Variants in CNTROB observed in about 807,000 individuals in gnomAD.
CNTROB encodes the protein centrobin.
In CNTROB, 82 loss-of-function variants were observed where a neutral mutation model predicts 115.7. The ratio of observed to expected loss-of-function variants is 0.71; its 90% CI spans 0.59 to 0.85. The LOEUF (loss-of-function observed/expected upper bound fraction) is 0.85, where lower values mean the gene tolerates loss of function less well. CNTROB is among the 40% of genes least tolerant of loss of function. CNTROB has a pLI of 0.00. For synonymous variants in CNTROB, 439 were observed against 456.4 expected (o/e 0.96, Z 0.49); for missense variants, 1,014 against 1,144.4 (o/e 0.89, Z 1.64).
intron 9 of CNTROB, among the ~76,000 whole-genome samples, chr17:7,941,524 G>A (rs1422521768): frequency 2.0e-5 from 3 of 151,486 alleles, no homozygotes; most frequent in Admixed American, 6.6e-5. Context: ...GCTTGAACCC[G>A]GGAGGTGGAG....
rs1268487748 is a variant in CNTROB at position 7,933,254 on chromosome 17, C to T, written c.175C>T (p.Pro59Ser). 5.0e-6 allele frequency: 8 copies of T among 1,614,100 alleles called. No homozygotes were observed. The highest frequency in any genetic ancestry group is 6.8e-6 in the Non-Finnish European group (8 of 1,180,042). Residue 59 changes from proline (P) to serine (S), a missense_variant, in exon 1 of 19, where the codon CCC (proline) becomes TCC (serine). Transcript: ENST00000563694. ...CACGGCCCGAGCCCAGCTGTATTTA[C>T]CCTCCACCTCCCCGCCTCATGAAGG... Reference protein sequence around the residue: ...EATARAQLYLPSTSPPHEGLD... With the variant: ...EATARAQLYLSSTSPPHEGLD...
chr17:7,948,558 G>A lies in CNTROB; in HGVS notation c.2452G>A (p.Gly818Ser). Residue 818 changes from glycine (G) to serine (S), a missense_variant, in exon 17 of 19, where the codon GGC (glycine) becomes AGC (serine). Transcript: ENST00000563694. This position sits in a 1 kb window ranked among gnomAD's most constrained non-coding sequence, Gnocchi z 4.4. ...ACTGTTGCGACTCTACCAGGCTCGG[G>A]GCTGGGGGGCTCTGCCTGCTGAGGA... ...SQLLRLYQARGWGALPAEDLL... is the reference protein window; with the variant it reads ...SQLLRLYQARSWGALPAEDLL... 2 of 1,614,188 alleles carry A rather than the reference G, an allele frequency of 1.2e-6. No individual in the cohort carries two copies. Among genetic ancestry groups the A allele is most frequent in the Non-Finnish European group, 1.7e-6 (2 of 1,180,034 alleles).
Position 7,945,726 on chromosome 17 carries a change from A to T in CNTROB, c.1735-2A>T. 1.2e-6 allele frequency: 2 copies of T among 1,613,492 alleles called. No homozygotes were observed. The highest frequency in any genetic ancestry group is 1.1e-5 in the South Asian group (1 of 91,064). Reference sequence around the variant, plus strand: ...CCTTCTTTCTGCCTCTCTCCTGGTCAGGCTCCTCCTGCTGGACCCTCCAGC... The same window carrying T: ...CCTTCTTTCTGCCTCTCTCCTGGTCTGGCTCCTCCTGCTGGACCCTCCAGC... On this transcript the variant is annotated splice_acceptor_variant, in intron 12 of 18. Coordinates refer to ENST00000563694, the MANE Select transcript of CNTROB (RefSeq NM_053051.5). LOFTEE classifies it high-confidence loss of function.
rs1007542118 is a variant in CNTROB, at chr17:7,948,646, G to T, written c.2513+27G>T. On this transcript the variant is annotated intron_variant, in intron 17 of 18. Coordinates refer to ENST00000563694, the MANE Select transcript of CNTROB (RefSeq NM_053051.5). This position sits in a 1 kb window ranked among gnomAD's most constrained non-coding sequence, Gnocchi z 4.4. ...TACAAGCCTGGGAGGAAGGAGGAAG[G>T]ATTCTCCGGGTGGAAGCTGGATTAT... 1.9e-6 allele frequency: 3 copies of T among 1,614,156 alleles called. No individual in the cohort carries two copies. Among genetic ancestry groups the T allele is most frequent in the Non-Finnish European group, 2.5e-6 (3 of 1,180,032 alleles).
At chr17:7,937,377 T>G in intron 7 of CNTROB, 115 bp downstream of exon 7, 2 of 1,227,788 alleles carry the variant, frequency 1.6e-6, no homozygotes, top group Non-Finnish European at 2.3e-6. Context: ...GAGCACTGTT[T>G]CCCAAAGTGT....
At chr17:7,936,127 AG>A (rs1229738854) in intron 4 of CNTROB, 2 of 473,382 alleles carry the variant, frequency 4.2e-6, no homozygotes, top group Non-Finnish European at 7.6e-6. Flanking sequence ...ATCCAGGAAA[AG>A]GAGGAGCCTG....
chr17:7,949,074 T>G lies in CNTROB; in HGVS notation c.2514-11T>G, dbSNP rs763247928. The stretch of plus-strand genomic sequence containing the variant: ...AGATCCCCATCCTCATACCTTTGAT[T>G]TGTGTAGCAGGACTGATGGCCGAGG... On this transcript the variant is annotated splice_polypyrimidine_tract_variant and intron_variant, in intron 17 of 18. Coordinates refer to ENST00000563694, the MANE Select transcript of CNTROB (RefSeq NM_053051.5). The G allele has an allele frequency of 6.2e-7, 1 of 1,613,948 alleles. No homozygotes were observed. Among genetic ancestry groups the G allele is most frequent in the Non-Finnish European group, 8.5e-7 (1 of 1,179,920 alleles).
chr17:7,938,863 C>T (rs1973511875), intron 7 of CNTROB, among the ~76,000 whole-genome samples: 2 of 152,194 alleles, frequency 1.3e-5, no homozygotes, highest in African/African-American at 4.8e-5. Flanking sequence ...ACTGCAACCT[C>T]CGCCTCCCAG....
rs1043750004 is a variant in CNTROB at position 7,943,279 on chromosome 17, C to G, written c.1312-112C>G. On this transcript the variant is annotated intron_variant, in intron 9 of 18. Transcript: ENST00000563694. The surrounding 1 kb of genome is among the most constrained non-coding windows in gnomAD (Gnocchi z 4.7). ...CACTCCTTGAGGCAAAATTCTTGTTCTTCATCTCATATGAGGGGAAAGTTG... is the reference window on the plus strand; with the variant it reads ...CACTCCTTGAGGCAAAATTCTTGTTGTTCATCTCATATGAGGGGAAAGTTG... 5.7e-6 allele frequency: 4 copies of G among 705,994 alleles called. No homozygotes were observed. Among genetic ancestry groups the G allele is most frequent in the Non-Finnish European group, 9.2e-6 (4 of 434,764 alleles). 43.7% of individuals were successfully genotyped at this position (705,994 alleles called of 1,614,324 possible). A position where few individuals can be genotyped will look rare whatever the true frequency, so the allele number is the denominator to read the frequency against.
rs374479317 is a variant in CNTROB at position 7,939,518 on chromosome 17, G to A, written c.933G>A (p.Glu311=). 6.2e-7 allele frequency: 1 copy of A among 1,613,842 alleles called. No homozygotes were observed. The highest frequency in any genetic ancestry group is 1.3e-5 in the African/African-American group (1 of 74,928). ...LQQRERETLE[E]ERQALTLRLE... ...GTTTTCTTCTGCGGCTGTAGGAGGA[G>A]GAAAGGCAAGCTCTGACTCTGAGGT... The change falls in exon 8 of 19, where the codon GAG becomes GAA. Residue 311 remains glutamate, a synonymous_variant. Coordinates refer to ENST00000563694, the MANE Select transcript of CNTROB (RefSeq NM_053051.5). This position sits in a 1 kb window ranked among gnomAD's most constrained non-coding sequence, Gnocchi z 4.4.
rs1379356555 is a variant in CNTROB, at chr17:7,936,139, G to C, written c.595-227G>C. On this transcript the variant is annotated intron_variant, in intron 4 of 18. Coordinates refer to ENST00000563694, the MANE Select transcript of CNTROB (RefSeq NM_053051.5). ...GAGATCCAGGAAAAGGAGGAGCCTGGAATCTAAGCACTTATCTCCTGAAAA... is the reference window on the plus strand; with the variant it reads ...GAGATCCAGGAAAAGGAGGAGCCTGCAATCTAAGCACTTATCTCCTGAAAA... The C allele has an allele frequency of 8.1e-6, 4 of 495,554 alleles. No homozygotes were observed. The East Asian group carries it at 1.3e-4, about 17-fold the overall frequency. 30.7% of individuals were successfully genotyped at this position (495,554 alleles called of 1,614,324 possible).
At chr17:7,946,867 CT>C (rs1974584677) in intron 13 of CNTROB, among the ~76,000 whole-genome samples, 1 of 106,426 alleles carries the variant, frequency 9.4e-6, no homozygotes, top group Admixed American at 1.1e-4. Flanking sequence ...GACTCTGTCT[CT>C]TAAAAAAAAA....
intron 17 of CNTROB, 72 bp from the exon 18 acceptor site, chr17:7,949,013 G>T: frequency 6.2e-7 from 1 of 1,611,678 alleles, no homozygotes; most frequent in Non-Finnish European, 8.5e-7. Context: ...TTGGGGAGTA[G>T]TTCTTCCATC....
In CNTROB at chr17:7,949,716, T is replaced by A; in HGVS notation, c.*206T>A. 2.1e-6 allele frequency: 1 copy of A among 469,414 alleles called. No homozygotes were observed. The highest frequency in any genetic ancestry group is 3.6e-6 in the Non-Finnish European group (1 of 277,950). 29.1% of individuals were successfully genotyped at this position (469,414 alleles called of 1,614,324 possible). On this transcript the variant is annotated 3_prime_UTR_variant, in exon 19 of 19. Coordinates refer to ENST00000563694, the MANE Select transcript of CNTROB (RefSeq NM_053051.5). ...CATTTCCTGTGGGAAAAGACATGAA[T>A]GCTTTGGAAGACGGTCTATGACAAG...
Position 7,945,849 on chromosome 17 carries a change from C to A in CNTROB, c.1856C>A (p.Ala619Glu), listed in dbSNP as rs372644896. 3.7e-6 allele frequency: 6 copies of A among 1,614,108 alleles called. No homozygotes were observed. Among genetic ancestry groups the A allele is most frequent in the Non-Finnish European group, 5.1e-6 (6 of 1,180,042 alleles). ...LKPVLQQSRE[A>E]RDELPGAPPV... ...CCTGTATTGCAGCAGAGCCGGGAAG[C>A]AAGGGACGAGCTACCTGGAGCGCCT... Residue 619 changes from alanine to glutamate, a missense_variant, in exon 13 of 19, where the codon GCA (alanine) becomes GAA (glutamate). Coordinates refer to ENST00000563694, the MANE Select transcript of CNTROB (RefSeq NM_053051.5).
intron 7 of CNTROB, among the ~76,000 whole-genome samples, chr17:7,938,427 C>T (rs1350077595): frequency 6.6e-6 from 1 of 152,058 alleles, no homozygotes; most frequent in African/African-American, 2.4e-5. Flanking sequence ...TACTTGTAGT[C>T]TTAACAGGCT....
chr17:7,934,309 CCT>C, intron 2 of CNTROB, 87 bp downstream of exon 2: 1 of 1,415,998 alleles, frequency 7.1e-7, no homozygotes, highest in Non-Finnish European at 1.0e-6. Context: ...GGCAGGAAAA[CCT>C]CTGAGCAAGA....
In CNTROB at chr17:7,944,242, A is replaced by T; in HGVS notation, c.1565A>T (p.Glu522Val). 3 of 1,613,944 alleles carry T rather than the reference A, an allele frequency of 1.9e-6. No homozygotes were observed. The highest frequency in any genetic ancestry group is 1.7e-6 in the Non-Finnish European group (2 of 1,179,810). ...CAACAGCAGGTGGCTGAGGACTACG[A>T]GCTCAGGTCCTGGTCCCCAGAGTGC... is the stretch of plus-strand genomic sequence containing the variant. Reference protein sequence around the residue: ...ERQQQVAEDYELRLAREQARV... With the variant: ...ERQQQVAEDYVLRLAREQARV... Residue 522 changes from glutamate to valine, a missense_variant, in exon 11 of 19, where the codon GAG (glutamate) becomes GTG (valine). By Grantham distance (121) the Glu-to-Val change is moderately radical. Coordinates refer to ENST00000563694, the MANE Select transcript of CNTROB (RefSeq NM_053051.5). The surrounding 1 kb of genome is among the most constrained non-coding windows in gnomAD (Gnocchi z 4.0).
Position 7,935,694 on chromosome 17 carries a change from T to C in CNTROB, c.594+549T>C, listed in dbSNP as rs78902747. 0.014 allele frequency: 2,231 copies of C among 162,874 alleles called. 103 individuals are homozygous for C. In the East Asian group the frequency reaches 0.18, roughly 13 times the overall value. The allele number at this position is 162,874 out of a possible 1,614,324, so 10.1% of individuals were successfully genotyped here. A position where few individuals can be genotyped will look rare whatever the true frequency, so the allele number is the denominator to read the frequency against. ...TGATATATCTTGTTTTTTTCTCCTC[T>C]CTAAAATTTGAGGGTCCGTATCTTG... On this transcript the variant is annotated intron_variant, in intron 4 of 18. Transcript: ENST00000563694.
Sources: gnomAD v4.1 joint callset for allele counts (sites outside exome capture counted in the v4.1 genomes callset) on GRCh38, gnomAD v4.1.1 for gene constraint, Gnocchi (gnomAD v3.1) non-coding constraint, MANE v1.5 for transcripts, NCBI Gene and HGNC (gene_info 2026-07-23, HGNC 2026-07-21) for gene names.